The following FAM149A variants were observed in gnomAD, a reference collection of about 807,000 sequenced individuals.
FAM149A encodes family with sequence similarity 149 member A.
A neutral mutation model predicts 78.2 loss-of-function variants in FAM149A; 71 were observed. The observed-to-expected ratio is 0.91, with a 90% confidence interval of 0.75 to 1.11. The LOEUF is 1.11. Among genes scored for constraint, FAM149A ranks in the 50% least tolerant of loss-of-function variants. The pLI is 0.00. For missense variants in FAM149A, 1,036 were observed against 971.0 expected (o/e 1.07, Z -0.89); for synonymous variants, 446 against 410.5 (o/e 1.09, Z -1.04).
chr4:186,130,149 T>G (rs1475849607), intron 1 of FAM149A: 1 of 151,378 alleles, frequency 6.6e-6, no homozygotes, highest in Non-Finnish European at 1.5e-5. Flanking sequence ...AATGGAAGAG[T>G]ATAGGAAATA....
chr4:186,152,509 G>T (rs1733664591), intron 4 of FAM149A, among the ~76,000 whole-genome samples: 1 of 149,364 alleles, frequency 6.7e-6, no homozygotes, highest in Admixed American at 6.6e-5. Flanking sequence ...TATGGATTGG[G>T]TATGAAGGCA....
intron 1 of FAM149A, among the ~76,000 whole-genome samples, chr4:186,140,042 A>T (rs1034055198): frequency 6.6e-6 from 1 of 152,218 alleles, no homozygotes; most frequent in African/African-American, 2.4e-5. Flanking sequence ...TTTATTATGT[A>T]TCTATATGCA....
chr4:186,129,159 ATGTG>A (rs2099319575), intron 1 of FAM149A, among the ~76,000 whole-genome samples: 4 of 98,070 alleles, frequency 4.1e-5, no homozygotes, highest in Non-Finnish European at 8.4e-5. Context: ...GTGTCTGTGC[ATGTG>A]TGTATGTGTC....
rs1735646047 is a variant in FAM149A at position 186,173,818 on chromosome 4, T to C, written c.*1831T>C. The stretch of plus-strand genomic sequence containing the variant: ...CTGCACAAAGCAAACCAAAGCATTT[T>C]TGAGAATTTTCTACATTATTCCTAA... On this transcript the variant is annotated 3_prime_UTR_variant, in exon 14 of 14. Coordinates refer to ENST00000389354, the MANE Select transcript of FAM149A (RefSeq NM_001367768.3). 8.9e-6 allele frequency among the ~76,000 whole-genome samples: 1 copy of C among 112,696 alleles called. No homozygotes were observed. The highest frequency in any genetic ancestry group is 2.8e-5 in the African/African-American group (1 of 35,936). The allele number at this position is 112,696 out of a possible 152,430, so 73.9% of individuals were successfully genotyped here.
At chr4:186,169,261 C>T (rs1247120324) in intron 13 of FAM149A, 8 of 984,718 alleles carry the variant, frequency 8.1e-6, no homozygotes, top group East Asian at 1.1e-4. Flanking sequence ...AATACATTAT[C>T]GAAACAGACA....
Position 186,173,907 on chromosome 4 carries a change from G to A in FAM149A, c.*1920G>A, listed in dbSNP as rs1401535745. ...TTAATTCAGCAGCTCTCCCACTTGA[G>A]GAATAGTTAGATATGTGAGTAGCCT... On this transcript the variant is annotated 3_prime_UTR_variant, in exon 14 of 14. Coordinates refer to ENST00000389354, the MANE Select transcript of FAM149A (RefSeq NM_001367768.3). Among the ~76,000 whole-genome samples, 2 of 111,576 alleles carry A rather than the reference G, an allele frequency of 1.8e-5. 1 individual carries two copies. The highest frequency in any genetic ancestry group is 4.5e-5 in the Non-Finnish European group (2 of 44,282). The allele number at this position is 111,576 out of a possible 152,430, so 73.2% of individuals were successfully genotyped here. A position where few individuals can be genotyped will look rare whatever the true frequency, so the allele number is the denominator to read the frequency against.
At chr4:186,127,831 C>T (rs757853626) in intron 1 of FAM149A, 19 of 214,534 alleles carry the variant, frequency 8.9e-5, no homozygotes, top group Non-Finnish European at 1.4e-4. Flanking sequence ...AACTACAGGC[C>T]TGAGCCACCA....
chr4:186,158,750 C>G, intron 8 of FAM149A: 1 of 1,072,032 alleles, frequency 9.3e-7, no homozygotes, highest in African/African-American at 1.7e-5. Context: ...GCCGTCCCTA[C>G]TGCAGACTGG....
chr4:186,142,941 C>T (rs893989505), intron 1 of FAM149A, among the ~76,000 whole-genome samples: 2 of 152,118 alleles, frequency 1.3e-5, no homozygotes, highest in African/African-American at 4.8e-5. Context: ...ATCTGGGACA[C>T]ATTCACACAT....
intron 1 of FAM149A, among the ~76,000 whole-genome samples, chr4:186,137,223 T>C (rs1446403651): frequency 4.0e-5 from 6 of 151,306 alleles, no homozygotes; most frequent in South Asian, 4.2e-4. Flanking sequence ...TGTGTACCCT[T>C]GGGAATTTAC....
At chr4:186,152,633 C>G (rs1008501520) in intron 4 of FAM149A, among the ~76,000 whole-genome samples, 2 of 146,590 alleles carry the variant, frequency 1.4e-5, no homozygotes, top group Admixed American at 7.0e-5. Context: ...CAATCTCAGC[C>G]TCCTTGGTTC....
At chr4:186,146,548 G>T in intron 1 of FAM149A, 1 of 963,296 alleles carries the variant, frequency 1.0e-6, no homozygotes, top group South Asian at 4.8e-5. Context: ...GAAAAAGAGT[G>T]AATTTCCTAG....
intron 1 of FAM149A, among the ~76,000 whole-genome samples, chr4:186,142,946 A>G (rs1460143874): frequency 6.6e-6 from 1 of 152,124 alleles, no homozygotes; most frequent in African/African-American, 2.4e-5. Context: ...GGACACATTC[A>G]CACATATACA....
At chr4:186,151,704 G>A (rs761276125) in intron 3 of FAM149A, 199 bp from the exon 4 acceptor site, 19 of 984,932 alleles carry the variant, frequency 1.9e-5, no homozygotes, top group Admixed American at 6.1e-5. Context: ...AAAAGAATCC[G>A]AGGCTCAGAA....
At chr4:186,107,399 A>G (rs768100046) in intron 1 of FAM149A, 7 of 152,234 alleles carry the variant, frequency 4.6e-5, no homozygotes, top group Non-Finnish European at 8.8e-5. Context: ...TTTTATGGAC[A>G]GTGAAGAAAT....
At chr4:186,162,259 G>A (rs949619321) in intron 8 of FAM149A, among the ~76,000 whole-genome samples, 9 of 152,148 alleles carry the variant, frequency 5.9e-5, no homozygotes, top group Admixed American at 3.9e-4. Context: ...TGCTTTCGAG[G>A]GTCCAGGCCA....
At chr4:186,127,569 C>A (rs2099318859) in intron 1 of FAM149A, 7 of 985,270 alleles carry the variant, frequency 7.1e-6, no homozygotes, top group Non-Finnish European at 8.4e-6. Context: ...CATGTCCATG[C>A]GAGAAGCAGT....
intron 1 of FAM149A, among the ~76,000 whole-genome samples, chr4:186,141,273 G>A (rs1023277941): frequency 4.6e-5 from 7 of 151,334 alleles, no homozygotes; most frequent in African/African-American, 9.7e-5. Flanking sequence ...ATATGTTATT[G>A]GTGTAAAATA....
At chr4:186,141,641 T>G (rs2099325835) in intron 1 of FAM149A, among the ~76,000 whole-genome samples, 1 of 152,208 alleles carries the variant, frequency 6.6e-6, no homozygotes, top group Non-Finnish European at 1.5e-5. Flanking sequence ...AAGTCAAGAC[T>G]TGCTGGGTTT....
Sources: gnomAD v4.1 joint callset for allele counts (sites outside exome capture counted in the v4.1 genomes callset) on GRCh38, gnomAD v4.1.1 for gene constraint, MANE v1.5 for transcripts, NCBI Gene and HGNC (gene_info 2026-07-23, HGNC 2026-07-21) for gene names.